The following USP32 variants were observed in gnomAD, a reference collection of about 807,000 sequenced individuals.
USP32 encodes the protein ubiquitin carboxyl-terminal hydrolase 32.
A neutral mutation model predicts 204.8 loss-of-function variants in USP32; 59 were observed. The ratio of observed to expected loss-of-function variants is 0.29; its 90% CI spans 0.23 to 0.36. The LOEUF (loss-of-function observed/expected upper bound fraction) is 0.36, where lower values mean the gene tolerates loss of function less well. Ranked by LOEUF, USP32 falls within the 10% of genes least tolerant of loss-of-function variation. The pLI is 1.00. For missense variants in USP32, 1,160 were observed against 1,946.4 expected, an observed-to-expected ratio of 0.60 and a Z score of 7.60; for synonymous variants, 517 against 678.4, an observed-to-expected ratio of 0.76 and a Z score of 3.70.
chr17:60,291,438 T>C (rs1024710052), intron 4 of USP32, among the ~76,000 whole-genome samples: 1 of 152,106 alleles, frequency 6.6e-6, no homozygotes, highest in Non-Finnish European at 1.5e-5. Context: ...TCAAGGCTAA[T>C]AATAAAGCAC....
At chr17:60,285,607 CAAATAAGCAGAATGCTATA>C (rs1460949257) in intron 5 of USP32, among the ~76,000 whole-genome samples, 1 of 151,904 alleles carries the variant, frequency 6.6e-6, no homozygotes, top group Non-Finnish European at 1.5e-5. Context: ...ATGACATGTA[CAAATAAGCAGAATGCTATA>C]AGTAGTTATA....
intron 1 of USP32, among the ~76,000 whole-genome samples, chr17:60,409,530 T>C (rs1252107942): frequency 6.6e-6 from 1 of 152,174 alleles, no homozygotes; most frequent in Non-Finnish European, 1.5e-5. Context: ...AGTTTTCTAT[T>C]GCAGTAAAAA....
intron 1 of USP32, among the ~76,000 whole-genome samples, chr17:60,384,602 A>G (rs2089698077): frequency 6.6e-6 from 1 of 151,650 alleles, no homozygotes. Flanking sequence ...GAACAGCCTG[A>G]CCAATATGAA....
intron 5 of USP32, among the ~76,000 whole-genome samples, chr17:60,286,517 G>A (rs2087116698): frequency 6.6e-6 from 1 of 152,196 alleles, no homozygotes; most frequent in South Asian, 2.1e-4. Context: ...TAGGGACTGA[G>A]GCAGAGCAGG....
chr17:60,375,903 C>T (rs1163324547), intron 1 of USP32, among the ~76,000 whole-genome samples: 1 of 152,072 alleles, frequency 6.6e-6, no homozygotes, highest in Non-Finnish European at 1.5e-5. Context: ...CCACTATGCC[C>T]GGCCAAATCT....
At chr17:60,382,746 A>C (rs1469624486) in intron 1 of USP32, among the ~76,000 whole-genome samples, 2 of 152,210 alleles carry the variant, frequency 1.3e-5, no homozygotes, top group East Asian at 3.9e-4. Context: ...TGAAAAGTAC[A>C]TGAAGGTCAT....
intron 25 of USP32, among the ~76,000 whole-genome samples, chr17:60,206,049 G>A (rs1431791494): frequency 1.3e-5 from 2 of 151,902 alleles, no homozygotes; most frequent in African/African-American, 4.8e-5. Context: ...GCTGGATGAG[G>A]CAGCTCACAT....
chr17:60,415,820 C>A (rs973622302), intron 1 of USP32, among the ~76,000 whole-genome samples: 1 of 151,952 alleles, frequency 6.6e-6, no homozygotes, highest in Non-Finnish European at 1.5e-5. Flanking sequence ...TTAAGATATG[C>A]TTGGTGGTGT....
At chr17:60,256,717 C>T (rs542215068) in intron 9 of USP32, 45 of 1,138,364 alleles carry the variant, frequency 4.0e-5, no homozygotes, top group South Asian at 3.8e-4. Flanking sequence ...GCCTGCACCA[C>T]GGCAACAGAA....
chr17:60,365,999 C>T (rs916516632), intron 1 of USP32, among the ~76,000 whole-genome samples: 16 of 152,098 alleles, frequency 1.1e-4, no homozygotes, highest in Admixed American at 3.3e-4. Context: ...TTTTTTGAGA[C>T]GGAGTTTCGC....
intron 21 of USP32, 75 bp downstream of exon 21, chr17:60,210,938 C>G: frequency 1.3e-6 from 2 of 1,509,280 alleles, no homozygotes; most frequent in Middle Eastern, 1.7e-4. Flanking sequence ...AGGCTAAACA[C>G]AAAAAACAAG....
Position 60,190,788 on chromosome 17 carries a change from G to A in USP32, c.3522-105C>T, listed in dbSNP as rs1598037287. 1.3e-5 allele frequency: 19 copies of A among 1,477,522 alleles called. No individual in the cohort carries two copies. The East Asian group carries it at 4.9e-4, about 38-fold the overall frequency. 91.5% of individuals were successfully genotyped at this position (1,477,522 alleles called of 1,614,324 possible). On this transcript the variant is annotated intron_variant, in intron 28 of 33. Coordinates refer to ENST00000300896, the MANE Select transcript of USP32 (RefSeq NM_032582.4). The stretch of plus-strand genomic sequence containing the variant: ...TTCCTACTTTTCTGCTTTCCTCTTG[G>A]GCCTCACAATTTGTCATGGGCTTCT...
intron 27 of USP32, among the ~76,000 whole-genome samples, chr17:60,197,613 AAAAAG>A (rs1221544389): frequency 6.6e-6 from 1 of 152,234 alleles, no homozygotes; most frequent in African/African-American, 2.4e-5. Flanking sequence ...GTAAAGGGAA[AAAAAG>A]AAAAGAAAAG....
chr17:60,239,595 G>A (rs756145276), intron 11 of USP32, among the ~76,000 whole-genome samples: 1 of 152,012 alleles, frequency 6.6e-6, no homozygotes, highest in Non-Finnish European at 1.5e-5. Context: ...ATATCTGATG[G>A]AGAACCCCTC....
chr17:60,368,520 G>C (rs1598292640), intron 1 of USP32, among the ~76,000 whole-genome samples: 1 of 152,092 alleles, frequency 6.6e-6, no homozygotes, highest in Non-Finnish European at 1.5e-5. Context: ...GGGCCATTGC[G>C]GTTGGGGGGC....
intron 1 of USP32, chr17:60,421,801 C>G (rs1226199453): frequency 1.0e-6 from 1 of 958,590 alleles, no homozygotes; most frequent in African/African-American, 1.8e-5. Flanking sequence ...TAGGAAGAGT[C>G]GGGGTGGCGG....
intron 1 of USP32, chr17:60,421,858 G>A (rs2090120705): frequency 4.1e-6 from 4 of 985,486 alleles, no homozygotes; most frequent in Non-Finnish European, 4.8e-6. Context: ...GCGCACACGA[G>A]GCCGGCGACG....
intron 11 of USP32, among the ~76,000 whole-genome samples, chr17:60,239,409 T>A (rs1028741953): frequency 6.6e-6 from 1 of 152,236 alleles, no homozygotes; most frequent in African/African-American, 2.4e-5. Context: ...TCTTCAAATA[T>A]TCTGCCCTTT....
At chr17:60,245,320 T>G (rs1455622080) in intron 11 of USP32, 1 of 351,336 alleles carries the variant, frequency 2.8e-6, no homozygotes, top group Non-Finnish European at 5.6e-6. Flanking sequence ...GGCATTGGGA[T>G]TGGTGACTCT....
Sources: allele counts gnomAD v4.1 joint callset (sites outside exome capture counted in the v4.1 genomes callset), GRCh38; gene constraint gnomAD v4.1.1; transcripts MANE v1.5; gene names NCBI Gene and HGNC (gene_info 2026-07-23, HGNC 2026-07-21).